Variants in BCAS3 observed in about 807,000 individuals in gnomAD.
BCAS3 encodes BCAS4/BCAS3 fusion.
In BCAS3, 53 loss-of-function variants were observed where a neutral mutation model predicts 116.1. The ratio of observed to expected loss-of-function variants is 0.46; its 90% confidence interval spans 0.37 to 0.57. The LOEUF (loss-of-function observed/expected upper bound fraction) is 0.57. BCAS3 is among the 20% of genes least tolerant of loss of function. BCAS3 has a pLI of 0.00. For missense variants in BCAS3, 917 were observed against 1,165.4 expected (o/e 0.79, Z 3.10); for synonymous variants, 391 against 408.2 (o/e 0.96, Z 0.51).
intron 6 of BCAS3, among the ~76,000 whole-genome samples, chr17:60,777,760 C>T (rs2045447286): frequency 6.6e-6 from 1 of 152,190 alleles, no homozygotes; most frequent in African/African-American, 2.4e-5. Context: ...CCTACTCCAA[C>T]TCCAGAAACT....
At chr17:61,288,160 A>G (rs2052020053) in intron 22 of BCAS3, among the ~76,000 whole-genome samples, 1 of 152,214 alleles carries the variant, frequency 6.6e-6, no homozygotes, top group South Asian at 2.1e-4. Context: ...ACTCCATTAA[A>G]TGAGGCACTC....
At chr17:61,048,880 A>C (rs2068585277) in intron 19 of BCAS3, among the ~76,000 whole-genome samples, 1 of 152,022 alleles carries the variant, frequency 6.6e-6, no homozygotes, top group South Asian at 2.1e-4. Flanking sequence ...GACTAGTGAC[A>C]CTAACAGTTA....
intron 6 of BCAS3, among the ~76,000 whole-genome samples, chr17:60,768,929 G>A (rs2144401528): frequency 6.6e-6 from 1 of 152,330 alleles, no homozygotes; most frequent in Non-Finnish European, 1.5e-5. Flanking sequence ...AATAGCAGGG[G>A]TGGAGCAATG....
intron 22 of BCAS3, among the ~76,000 whole-genome samples, chr17:61,280,863 C>G (rs11656131): frequency 0.16 from 24,009 of 152,122 alleles, 1,984 homozygotes; most frequent in South Asian, 0.22. Context: ...ATGTCTCGAC[C>G]CTTAACAGGT....
chr17:61,350,424 A>ATAAC (rs1899087899), intron 22 of BCAS3, among the ~76,000 whole-genome samples: 1 of 149,610 alleles, frequency 6.7e-6, no homozygotes, highest in Admixed American at 6.7e-5. Flanking sequence ...CAATAAATAA[A>ATAAC]TAAATAAATA....
intron 13 of BCAS3, among the ~76,000 whole-genome samples, chr17:60,938,429 A>G (rs1304624936): frequency 6.6e-6 from 1 of 152,216 alleles, no homozygotes; most frequent in Non-Finnish European, 1.5e-5. Flanking sequence ...AGTTTTTTCA[A>G]CAAATGGTGC....
At chr17:60,909,083 G>A (rs2058347334) in intron 11 of BCAS3, among the ~76,000 whole-genome samples, 1 of 152,048 alleles carries the variant, frequency 6.6e-6, no homozygotes, top group African/African-American at 2.4e-5. Flanking sequence ...TCATAAAATT[G>A]AAGTATCTGA....
intron 6 of BCAS3, among the ~76,000 whole-genome samples, chr17:60,766,223 T>TA (rs2044077670): frequency 6.6e-6 from 1 of 152,224 alleles, no homozygotes; most frequent in Non-Finnish European, 1.5e-5. Context: ...CCTGCTTTGT[T>TA]ACGTTGCTGG....
chr17:60,893,877 G>T (rs1474224621), intron 10 of BCAS3, among the ~76,000 whole-genome samples: 1 of 151,988 alleles, frequency 6.6e-6, no homozygotes, highest in African/African-American at 2.4e-5. Context: ...CCAAAGTGCT[G>T]GGATTGCAGG....
chr17:60,973,648 A>C (rs968460635), intron 14 of BCAS3, among the ~76,000 whole-genome samples: 5 of 150,252 alleles, frequency 3.3e-5, no homozygotes, highest in Non-Finnish European at 2.9e-5. Context: ...GCTGGAGGTC[A>C]GTGGTGTAAT....
At chr17:60,947,132 AT>A in intron 13 of BCAS3, 86 bp from the exon 14 acceptor site, 1 of 1,335,574 alleles carries the variant, frequency 7.5e-7, no homozygotes, top group South Asian at 1.5e-5. Context: ...CATTGGTAAT[AT>A]TTTAAATATT....
chr17:60,880,707 C>T (rs1002546386), intron 9 of BCAS3, among the ~76,000 whole-genome samples: 1 of 152,160 alleles, frequency 6.6e-6, no homozygotes, highest in African/African-American at 2.4e-5. Flanking sequence ...GACATATGTT[C>T]TCTTGGGTAT....
chr17:61,245,380 T>G (rs1456961066), intron 22 of BCAS3: 2 of 151,698 alleles, frequency 1.3e-5, no homozygotes, highest in Non-Finnish European at 2.9e-5. Flanking sequence ...CAGTAAGTAT[T>G]TATTTTTATT....
chr17:60,818,196 A>G (rs981599979), intron 7 of BCAS3, among the ~76,000 whole-genome samples: 1 of 152,210 alleles, frequency 6.6e-6, no homozygotes. Context: ...AGGAGGAATG[A>G]CTTAATTTCA....
At chr17:61,025,498 G>T (rs2066175312) in intron 16 of BCAS3, among the ~76,000 whole-genome samples, 1 of 152,038 alleles carries the variant, frequency 6.6e-6, no homozygotes, top group African/African-American at 2.4e-5. Context: ...ATTTATTACA[G>T]ATAACACATT....
At chr17:60,687,803 A>T (rs1209398214) in intron 3 of BCAS3, among the ~76,000 whole-genome samples, 4 of 152,188 alleles carry the variant, frequency 2.6e-5, no homozygotes, top group Non-Finnish European at 4.4e-5. Flanking sequence ...AGCAGAGCTC[A>T]GGTGCTTCAG....
At chr17:61,172,399 C>T (rs1412252733) in intron 22 of BCAS3, among the ~76,000 whole-genome samples, 1 of 152,064 alleles carries the variant, frequency 6.6e-6, no homozygotes, top group African/African-American at 2.4e-5. Flanking sequence ...TTTGGGAGGC[C>T]GAGGCGGGCG....
In BCAS3 at chr17:61,243,344, A is replaced by T. The variant is rs1718715877; in HGVS notation, c.2426-124983A>T. ...AGCTGAGTAATATTCCATTGTGTCTATATACTATATTTTCTTTATCCATTC... is the reference window on the plus strand; with the variant it reads ...AGCTGAGTAATATTCCATTGTGTCTTTATACTATATTTTCTTTATCCATTC... On this transcript the variant is annotated intron_variant, in intron 22 of 23. Transcript: ENST00000407086. The surrounding 1 kb of genome is among the most constrained non-coding windows in gnomAD (Gnocchi z 5.6). Among the ~76,000 whole-genome samples, 1 of 152,180 alleles carries T rather than the reference A, an allele frequency of 6.6e-6. No individual in the cohort carries two copies. The highest frequency in any genetic ancestry group is 2.1e-4 in the South Asian group (1 of 4,826).
chr17:60,892,524 G>A (rs918232497), intron 10 of BCAS3, among the ~76,000 whole-genome samples: 7 of 151,870 alleles, frequency 4.6e-5, no homozygotes, highest in Non-Finnish European at 1.0e-4. Context: ...GATCAGGCTG[G>A]TCTTGAACTC....
Sources: gnomAD v4.1 joint callset for allele counts (sites outside exome capture counted in the v4.1 genomes callset) on GRCh38, gnomAD v4.1.1 for gene constraint, Gnocchi (gnomAD v3.1) non-coding constraint, MANE v1.5 for transcripts, NCBI Gene and HGNC (gene_info 2026-07-23, HGNC 2026-07-21) for gene names.